Variants in RAPGEF2 observed in about 807,000 individuals in gnomAD.
RAPGEF2 encodes PDZ domain containing guanine nucleotide exchange factor (GEF) 1.
Under a neutral mutation model 186.7 loss-of-function variants are expected in RAPGEF2, and 54 were observed. The ratio of observed to expected loss-of-function variants is 0.29; its 90% CI spans 0.23 to 0.36. The LOEUF is 0.36. Ranked by LOEUF, RAPGEF2 falls within the 10% of genes least tolerant of loss-of-function variation. The pLI is 1.00. For missense variants in RAPGEF2, 1,532 were observed against 2,045.0 expected (o/e 0.75, Z 4.84); for synonymous variants, 712 against 705.9 (o/e 1.01, Z -0.14).
chr4:159,197,376 G>C (rs185656788), intron 3 of RAPGEF2, among the ~76,000 whole-genome samples: 35 of 152,244 alleles, frequency 2.3e-4, no homozygotes, highest in Middle Eastern at 6.8e-3. Flanking sequence ...CATTTAACGT[G>C]CTCAAAACCT....
intron 1 of RAPGEF2, among the ~76,000 whole-genome samples, chr4:159,162,242 T>C (rs893758041): frequency 2.2e-4 from 23 of 102,756 alleles, no homozygotes; most frequent in Non-Finnish European, 4.4e-4. Context: ...AAAAAAAAAA[T>C]AGCTGGATGT....
At chr4:159,168,764 AGAAT>A (rs1454040002) in intron 1 of RAPGEF2, among the ~76,000 whole-genome samples, 1 of 152,236 alleles carries the variant, frequency 6.6e-6, no homozygotes, top group East Asian at 1.9e-4. Flanking sequence ...TCCAATGGAA[AGAAT>A]GAGAAGTTAT....
chr4:159,259,431 T>TG (rs1240823421), intron 7 of RAPGEF2, among the ~76,000 whole-genome samples: 1 of 152,226 alleles, frequency 6.6e-6, no homozygotes, highest in Non-Finnish European at 1.5e-5. Flanking sequence ...AGAAGTTAAG[T>TG]GTTTTTCCTT....
chr4:159,344,023 C>G lies in RAPGEF2; in HGVS notation c.3255-13C>G. 6.5e-7 allele frequency: 1 copy of G among 1,532,254 alleles called. No homozygotes were observed. The highest frequency in any genetic ancestry group is 9.0e-7 in the Non-Finnish European group (1 of 1,105,606). The allele number at this position is 1,532,254 out of a possible 1,614,324, so 94.9% of individuals were successfully genotyped here. ...TACACCCATGCTTCAATCTCCATGGCTCTCACTTACAGGAAGAAGAAATGG... is the reference window on the plus strand; with the variant it reads ...TACACCCATGCTTCAATCTCCATGGGTCTCACTTACAGGAAGAAGAAATGG... On this transcript the variant is annotated splice_polypyrimidine_tract_variant and intron_variant, in intron 22 of 29. Coordinates refer to ENST00000691494, the MANE Select transcript of RAPGEF2 (RefSeq NM_001394067.2).
intron 7 of RAPGEF2, among the ~76,000 whole-genome samples, chr4:159,256,488 G>T (rs896304312): frequency 6.6e-6 from 1 of 152,168 alleles, no homozygotes; most frequent in Admixed American, 6.5e-5. Flanking sequence ...TTGCTATTGT[G>T]AGTAGTGCTG....
intron 7 of RAPGEF2, among the ~76,000 whole-genome samples, chr4:159,295,929 G>A (rs1365572223): frequency 6.6e-6 from 1 of 151,972 alleles, no homozygotes; most frequent in Non-Finnish European, 1.5e-5. Context: ...TTTTAAAGAA[G>A]GATGTATTTT....
At chr4:159,138,652 T>C (rs1015767135) in intron 1 of RAPGEF2, among the ~76,000 whole-genome samples, 10 of 152,196 alleles carry the variant, frequency 6.6e-5, no homozygotes, top group African/African-American at 2.4e-4. Flanking sequence ...GATTTCTACA[T>C]TGGGGAATGT....
At chr4:159,148,523 C>T (rs750072364) in intron 1 of RAPGEF2, among the ~76,000 whole-genome samples, 3 of 152,110 alleles carry the variant, frequency 2.0e-5, no homozygotes, top group South Asian at 2.1e-4. Context: ...ATTTTATTTC[C>T]GTTTTGCCTT....
intron 6 of RAPGEF2, among the ~76,000 whole-genome samples, chr4:159,242,919 A>T (rs959540646): frequency 1.3e-5 from 2 of 151,930 alleles, no homozygotes; most frequent in Non-Finnish European, 2.9e-5. Flanking sequence ...ATTATTTAAA[A>T]TGTAGCGTTA....
chr4:159,277,172 T>G (rs965761977), intron 7 of RAPGEF2, among the ~76,000 whole-genome samples: 5 of 151,108 alleles, frequency 3.3e-5, no homozygotes, highest in African/African-American at 1.2e-4. Context: ...GAACATGCAG[T>G]GTTTGGTTTT....
intron 7 of RAPGEF2, among the ~76,000 whole-genome samples, chr4:159,266,252 T>C (rs1344312630): frequency 6.6e-6 from 1 of 151,814 alleles, no homozygotes; most frequent in East Asian, 1.9e-4. Flanking sequence ...CCTTTAGATA[T>C]GAGGAGAAAG....
intron 3 of RAPGEF2, among the ~76,000 whole-genome samples, chr4:159,197,118 T>C (rs1284663766): frequency 6.6e-6 from 1 of 152,244 alleles, no homozygotes; most frequent in Non-Finnish European, 1.5e-5. Context: ...CCTTAACTTA[T>C]ATTTGTTTTT....
chr4:159,126,092 G>T (rs1274773437), intron 1 of RAPGEF2, among the ~76,000 whole-genome samples: 1 of 152,078 alleles, frequency 6.6e-6, no homozygotes, highest in Non-Finnish European at 1.5e-5. Context: ...AAATAACTGG[G>T]TGATATTTGA....
In RAPGEF2 at chr4:159,224,391, A is replaced by G. The variant is rs1050562361; in HGVS notation, c.281+13808A>G. 2.0e-5 allele frequency among the ~76,000 whole-genome samples: 3 copies of G among 152,328 alleles called. No individual in the cohort carries two copies. The East Asian group carries it at 5.8e-4, about 29-fold the overall frequency. On this transcript the variant is annotated intron_variant, in intron 4 of 29. Transcript: ENST00000691494. ...AAGAAGCATGAATTTTAATTTTTCT[A>G]AGAACGTGCTTGTGGGACAGTATAT...
In RAPGEF2 at chr4:159,275,104, A is replaced by G. The variant is rs116457358; in HGVS notation, c.544-29238A>G. Among the ~76,000 whole-genome samples the G allele has an allele frequency of 8.6e-3, 1,228 of 143,224 alleles. 13 individuals carry two copies. The highest frequency in any genetic ancestry group is 0.029 in the African/African-American group (1,157 of 39,552). 94.0% of individuals were successfully genotyped at this position (143,224 alleles called of 152,430 possible). A position where few individuals can be genotyped will look rare whatever the true frequency, so the allele number is the denominator to read the frequency against. On this transcript the variant is annotated intron_variant, in intron 7 of 29. Coordinates refer to ENST00000691494, the MANE Select transcript of RAPGEF2 (RefSeq NM_001394067.2). ...GTGTGTGTGTGTGTGTGTATGATAT[A>G]TGAGAATCTTATAATTGCACAGTCT...
At position 159,359,191 on chromosome 4, in the gene RAPGEF2, G is replaced by A. The variant is rs767994654; in HGVS notation, c.*1052G>A. On this transcript the variant is annotated 3_prime_UTR_variant, in exon 30 of 30. Coordinates refer to ENST00000691494, the MANE Select transcript of RAPGEF2 (RefSeq NM_001394067.2). ...TAAGAGAAACATTTATAACTGGATA[G>A]CATTGCAGTGAAAGCAGCTTGGGAT... The A allele has an allele frequency of 9.2e-5, 14 of 152,168 alleles. No homozygotes were observed. The highest frequency in any genetic ancestry group is 1.3e-4 in the Admixed American group (2 of 15,282). The allele number at this position is 152,168 out of a possible 1,614,324, so 9.4% of individuals were successfully genotyped here.
intron 4 of RAPGEF2, among the ~76,000 whole-genome samples, chr4:159,212,125 G>A (rs565556848): frequency 8.5e-5 from 13 of 152,252 alleles, no homozygotes; most frequent in African/African-American, 2.6e-4. Context: ...AGGATGGAGC[G>A]TAGTTGTACC....
At chr4:159,188,536 C>CGCTTATAAT (rs1466196931) in intron 2 of RAPGEF2, among the ~76,000 whole-genome samples, 1 of 151,402 alleles carries the variant, frequency 6.6e-6, no homozygotes, top group Non-Finnish European at 1.5e-5. Flanking sequence ...TGTTGGCAAA[C>CGCTTATAAT]GCTTATAATC....
intron 4 of RAPGEF2, among the ~76,000 whole-genome samples, chr4:159,237,651 A>C (rs1479964629): frequency 6.6e-6 from 1 of 152,020 alleles, no homozygotes; most frequent in Admixed American, 6.6e-5. Flanking sequence ...TCAATGAAAT[A>C]GTTTTTTGGT....
Sources: allele counts gnomAD v4.1 joint callset (sites outside exome capture counted in the v4.1 genomes callset), GRCh38; gene constraint gnomAD v4.1.1; transcripts MANE v1.5; gene names NCBI Gene and HGNC (gene_info 2026-07-23, HGNC 2026-07-21).